Variants in TRIP12 observed in about 807,000 individuals in gnomAD.
TRIP12 encodes E3 ubiquitin-protein ligase TRIP12.
A neutral mutation model predicts 244.2 loss-of-function variants in TRIP12; 25 were observed. The observed-to-expected ratio is 0.10, with a 90% confidence interval of 0.07 to 0.14. The LOEUF is 0.14. Among genes scored for constraint, TRIP12 ranks in the 10% least tolerant of loss-of-function variants. The pLI is 1.00. For synonymous variants in TRIP12, 905 were observed against 873.1 expected (o/e 1.04, Z -0.64); for missense variants, 1,677 against 2,486.4 (o/e 0.67, Z 6.92).
At chr2:229,780,731 C>G (rs1281899911) in intron 34 of TRIP12, among the ~76,000 whole-genome samples, 1 of 152,206 alleles carries the variant, frequency 6.6e-6, no homozygotes, top group Non-Finnish European at 1.5e-5. Flanking sequence ...TACGCATCCC[C>G]ATAATGCTTC....
At chr2:229,828,592 G>A (rs1387399102) in intron 8 of TRIP12, among the ~76,000 whole-genome samples, 1 of 151,938 alleles carries the variant, frequency 6.6e-6, no homozygotes, top group African/African-American at 2.4e-5. Flanking sequence ...CCAACATAGT[G>A]AAACCCCATC....
chr2:229,862,886 A>G (rs1350739423), intron 2 of TRIP12, among the ~76,000 whole-genome samples: 1 of 152,210 alleles, frequency 6.6e-6, no homozygotes, highest in Admixed American at 6.5e-5. Flanking sequence ...CAAAAAGTAA[A>G]CAGTATTCAA....
intron 9 of TRIP12, among the ~76,000 whole-genome samples, chr2:229,816,369 T>C (rs2048503502): frequency 6.6e-6 from 1 of 151,858 alleles, no homozygotes; most frequent in Non-Finnish European, 1.5e-5. Flanking sequence ...GTCAGTCACT[T>C]AAAACACTTA....
chr2:229,863,001 G>A (rs1022716653), intron 2 of TRIP12, among the ~76,000 whole-genome samples: 1 of 152,082 alleles, frequency 6.6e-6, no homozygotes. Flanking sequence ...AGACAGAGGC[G>A]GATGTGTCAT....
At chr2:229,835,887 A>G (rs1325160014) in intron 6 of TRIP12, among the ~76,000 whole-genome samples, 1 of 152,212 alleles carries the variant, frequency 6.6e-6, no homozygotes, top group East Asian at 1.9e-4. Context: ...CCAAATATCT[A>G]CCATTTAAAC....
chr2:229,812,813 A>C (rs2047594623), intron 13 of TRIP12, among the ~76,000 whole-genome samples: 1 of 149,200 alleles, frequency 6.7e-6, no homozygotes, highest in Non-Finnish European at 1.5e-5. Flanking sequence ...AAACAAAAAC[A>C]AAACAGAACA....
In TRIP12 at chr2:229,859,047, A is replaced by G. The variant is rs780860370; in HGVS notation, c.752T>C (p.Val251Ala). The G allele has an allele frequency of 6.2e-7, 1 of 1,614,200 alleles. No individual in the cohort carries two copies. The highest frequency in any genetic ancestry group is 2.2e-5 in the East Asian group (1 of 44,884). The part of the protein sequence containing the change: ...AASTSSSSSA[V>A]ASASSTVPPG... The stretch of plus-strand genomic sequence containing the variant: ...TGGTACAGTGGAGGAGGCCGAGGCT[A>G]CAGCAGAAGACGAGGAGGAAGTAGA... The change falls in exon 4 of 42, where the codon GTA becomes GCA. Residue 251 changes from valine (V) to alanine (A), a missense_variant. Val to Ala is a moderately conservative substitution (Grantham distance 64). Coordinates refer to ENST00000675903, the MANE Select transcript of TRIP12 (RefSeq NM_001348323.3).
At chr2:229,807,969 C>T (rs2046292748) in intron 16 of TRIP12, 105 bp from the exon 17 acceptor site, 1 of 1,294,488 alleles carries the variant, frequency 7.7e-7, no homozygotes, top group Non-Finnish European at 1.0e-6. Context: ...TGTATTTAGA[C>T]CAATTTTTTT....
At chr2:229,906,021 A>C (rs191929743) in intron 1 of TRIP12, among the ~76,000 whole-genome samples, 1 of 152,308 alleles carries the variant, frequency 6.6e-6, no homozygotes, top group East Asian at 1.9e-4. Context: ...AAACATGTTC[A>C]TGGCCAGGCG....
At chr2:229,832,032 C>T (rs1175928598) in intron 6 of TRIP12, among the ~76,000 whole-genome samples, 2 of 151,926 alleles carry the variant, frequency 1.3e-5, no homozygotes, top group Non-Finnish European at 2.9e-5. Context: ...GTGTGAATAA[C>T]ATATGCGAGT....
At chr2:229,832,706 TGA>T (rs1697186707) in intron 6 of TRIP12, among the ~76,000 whole-genome samples, 1 of 152,358 alleles carries the variant, frequency 6.6e-6, no homozygotes, top group Non-Finnish European at 1.5e-5. Flanking sequence ...TAGTTATGGC[TGA>T]GAGATCTGAA....
At chr2:229,853,633 G>A (rs1332578734) in intron 4 of TRIP12, among the ~76,000 whole-genome samples, 1 of 151,934 alleles carries the variant, frequency 6.6e-6, no homozygotes, top group African/African-American at 2.4e-5. Context: ...CTCCAGACTG[G>A]GCGACAAGAA....
chr2:229,867,106 T>G (rs917610363), intron 2 of TRIP12, among the ~76,000 whole-genome samples: 7 of 150,870 alleles, frequency 4.6e-5, no homozygotes, highest in Non-Finnish European at 5.9e-5. Context: ...GGTTTTTTTT[T>G]TTGTTTTTTT....
At position 229,898,700 on chromosome 2, in the gene TRIP12, AT is replaced by A. The variant is rs561359789; in HGVS notation, c.-49-18573del. Among the ~76,000 whole-genome samples, 10 of 151,820 alleles carry A rather than the reference AT, an allele frequency of 6.6e-5. No homozygotes were observed. The South Asian group carries it at 1.9e-3, about 28-fold the overall frequency. On this transcript the variant is annotated intron_variant, in intron 1 of 41. Transcript: ENST00000675903. ...TTGCATCAGATAGCATTTTGTTTAAATTTTTTTTTAAAGACAGGGTCCCACT... is the reference window on the plus strand; with the variant it reads ...TTGCATCAGATAGCATTTTGTTTAAATTTTTTTTAAAGACAGGGTCCCACT...
chr2:229,901,289 A>G (rs2070732781), intron 1 of TRIP12, among the ~76,000 whole-genome samples: 1 of 152,002 alleles, frequency 6.6e-6, no homozygotes, highest in African/African-American at 2.4e-5. Flanking sequence ...TCTACCTTCA[A>G]AAGTATTACA....
Position 229,792,157 on chromosome 2 carries a change from G to C in TRIP12, c.4211C>G (p.Ser1404Cys). Residue 1404 changes from serine (S) to cysteine (C), a missense_variant, in exon 28 of 42, where the codon TCT (serine) becomes TGT (cysteine). Transcript: ENST00000675903. ...GGTGGGAATATAGTACCTTACCAGA[G>C]ACTCATCTATTTCCTCATCTGATCC... ...DDGSDEEIDE[S>C]LAAQFLNSGN... is the part of the protein sequence containing the mutation. 6.2e-7 allele frequency: 1 copy of C among 1,613,950 alleles called. No individual in the cohort carries two copies. Among genetic ancestry groups the C allele is most frequent in the Non-Finnish European group, 8.5e-7 (1 of 1,179,952 alleles).
chr2:229,896,781 AC>A (rs1388528381), intron 1 of TRIP12, among the ~76,000 whole-genome samples: 1 of 152,192 alleles, frequency 6.6e-6, no homozygotes, highest in Non-Finnish European at 1.5e-5. Flanking sequence ...GATGAAAAAT[AC>A]CATACAAACA....
intron 8 of TRIP12, among the ~76,000 whole-genome samples, chr2:229,824,819 T>A (rs1301259440): frequency 1.3e-5 from 2 of 152,202 alleles, no homozygotes; most frequent in Non-Finnish European, 2.9e-5. Context: ...AGATTATTTA[T>A]GTGAGAGGAA....
At chr2:229,876,183 G>A (rs971921846) in intron 2 of TRIP12, among the ~76,000 whole-genome samples, 1 of 152,136 alleles carries the variant, frequency 6.6e-6, no homozygotes, top group Non-Finnish European at 1.5e-5. Flanking sequence ...CTGAGAGGCA[G>A]GAGAATTGCT....
Sources: allele counts gnomAD v4.1 joint callset (sites outside exome capture counted in the v4.1 genomes callset), GRCh38; gene constraint gnomAD v4.1.1; transcripts MANE v1.5; gene names NCBI Gene and HGNC (gene_info 2026-07-23, HGNC 2026-07-21).